Variants in JPH3 observed in about 807,000 individuals in gnomAD.
JPH3 encodes junctophilin-3.
A neutral mutation model predicts 59.6 loss-of-function variants in JPH3; 11 were observed. That is an observed-to-expected ratio of 0.18 (90% CI 0.12 to 0.31). The LOEUF is 0.31. Ranked by LOEUF, JPH3 falls within the 10% of genes least tolerant of loss-of-function variation. The probability of loss-of-function intolerance (pLI) is 1.00; values close to 1 mark genes in which losing one functional copy is unlikely to be tolerated. For synonymous variants in JPH3, 673 were observed against 483.6 expected, an observed-to-expected ratio of 1.39 and a Z score of -5.14; for missense variants, 1,202 against 1,105.7, an observed-to-expected ratio of 1.09 and a Z score of -1.24.
chr16:87,684,412 C>T, intron 3 of JPH3, 146 bp downstream of exon 3: 2 of 1,321,988 alleles, frequency 1.5e-6, no homozygotes, highest in Non-Finnish European at 2.1e-6. Flanking sequence ...TCTTCCTCTC[C>T]CGCCGAAGGT....
In JPH3 at chr16:87,697,407, C is replaced by T. The variant is rs1412967640; in HGVS notation, c.*747C>T. On this transcript the variant is annotated 3_prime_UTR_variant, in exon 5 of 5. Coordinates refer to ENST00000284262, the MANE Select transcript of JPH3 (RefSeq NM_020655.4). The stretch of plus-strand genomic sequence containing the variant: ...TTCGGCTGTTTCCCCCACCAGACCC[C>T]AGGGAAGCCGGGGCCCACTCCGATC... 1 of 152,386 alleles carries T rather than the reference C, an allele frequency of 6.6e-6. No individual in the cohort carries two copies. Among genetic ancestry groups the T allele is most frequent in the Non-Finnish European group, 1.5e-5 (1 of 68,172 alleles). 9.4% of individuals were successfully genotyped at this position (152,386 alleles called of 1,614,324 possible). A position where few individuals can be genotyped will look rare whatever the true frequency, so the allele number is the denominator to read the frequency against.
chr16:87,696,672 G>T lies in JPH3; in HGVS notation c.*12G>T, dbSNP rs746632245. ...ACTTTTTCATCTGATGAGATGTCGC[G>T]GTAGCAAAAATAGAGAAAGGGTAGA... On this transcript the variant is annotated 3_prime_UTR_variant, in exon 5 of 5. Transcript: ENST00000284262. 1 of 1,605,400 alleles carries T rather than the reference G, an allele frequency of 6.2e-7. No homozygotes were observed. The highest frequency in any genetic ancestry group is 8.5e-7 in the Non-Finnish European group (1 of 1,172,844).
At chr16:87,650,938 G>A (rs1236795598) in intron 2 of JPH3, among the ~76,000 whole-genome samples, 1 of 152,222 alleles carries the variant, frequency 6.6e-6, no homozygotes, top group Non-Finnish European at 1.5e-5. Flanking sequence ...CAGTGTCGAT[G>A]GAACAGCTTT....
chr16:87,616,193 TGTGTGTGTGTG>T (rs2030953765), intron 1 of JPH3, among the ~76,000 whole-genome samples: 1 of 63,048 alleles, frequency 1.6e-5, no homozygotes. Flanking sequence ...TCTGGTTTTG[TGTGTGTGTGTG>T]TGTGTGTGTG....
At chr16:87,678,897 T>A (rs1000049223) in intron 2 of JPH3, among the ~76,000 whole-genome samples, 1 of 152,226 alleles carries the variant, frequency 6.6e-6, no homozygotes, top group Non-Finnish European at 1.5e-5. Context: ...AGAGGATGGA[T>A]GGGAGGATTT....
chr16:87,695,805 GCT>G, intron 4 of JPH3: 1 of 456,060 alleles, frequency 2.2e-6, no homozygotes, highest in Non-Finnish European at 4.4e-6. Context: ...CCCGGAAAAG[GCT>G]CTGTTGTGAG....
chr16:87,647,041 C>G (rs1467501392), intron 2 of JPH3, among the ~76,000 whole-genome samples: 1 of 152,184 alleles, frequency 6.6e-6, no homozygotes, highest in Non-Finnish European at 1.5e-5. Context: ...GTCAGCCTCT[C>G]TGGACCTCAA....
chr16:87,677,185 T>TATATATACAC (rs1491266129), intron 2 of JPH3, among the ~76,000 whole-genome samples: 8 of 95,196 alleles, frequency 8.4e-5, no homozygotes, highest in African/African-American at 3.3e-4. Flanking sequence ...TATATATATA[T>TATATATACAC]ACACACACAC....
intron 1 of JPH3, among the ~76,000 whole-genome samples, chr16:87,606,678 G>C (rs568176385): frequency 6.6e-6 from 1 of 152,164 alleles, no homozygotes; most frequent in Non-Finnish European, 1.5e-5. Context: ...TGAGAATGGT[G>C]TGCGTGGCTA....
In JPH3 at chr16:87,684,455, C is replaced by T. The variant is rs565313725; in HGVS notation, c.1285+189C>T. On this transcript the variant is annotated intron_variant, in intron 3 of 4. Coordinates refer to ENST00000284262, the MANE Select transcript of JPH3 (RefSeq NM_020655.4). ...TGTGCCAAGGCCTGGCCTGGCTCCC[C>T]GGGACACAGGACATGTGTCTTGGCA... 3.7e-3 allele frequency: 3,072 copies of T among 838,514 alleles called. 11 individuals carry two copies. Among genetic ancestry groups the T allele is most frequent in the Non-Finnish European group, 4.9e-3 (2,649 of 544,434 alleles). The allele number at this position is 838,514 out of a possible 1,614,324, so 51.9% of individuals were successfully genotyped here. A position where few individuals can be genotyped will look rare whatever the true frequency, so the allele number is the denominator to read the frequency against.
intron 4 of JPH3, chr16:87,695,432 C>T (rs2033788457): frequency 2.2e-6 from 1 of 455,944 alleles, no homozygotes; most frequent in Non-Finnish European, 4.4e-6. Flanking sequence ...AGCAGGATGT[C>T]TGCGTGGTAG....
In JPH3 at chr16:87,696,600, G is replaced by A. The variant is rs199666710; in HGVS notation, c.2187G>A (p.Val729=). The change falls in exon 5 of 5, where the codon GTG becomes GTA. Residue 729 remains valine (V), a synonymous_variant. Transcript: ENST00000284262. ...TCCAGGGCTCAGCGCCTATCCTGGT[G>A]GTCATGGTGATCTTGCTCAACATCG... ...KSSTGSAPIL[V]VMVILLNIGV... is the part of the protein sequence containing the mutation. 109 of 1,613,568 alleles carry A rather than the reference G, an allele frequency of 6.8e-5. No homozygotes were observed. The highest frequency in any genetic ancestry group is 8.9e-5 in the Non-Finnish European group (105 of 1,179,900).
In JPH3 at chr16:87,684,217, C is replaced by G. The variant is rs367695644; in HGVS notation, c.1236C>G (p.Ala412=). 1 of 1,613,852 alleles carries G rather than the reference C, an allele frequency of 6.2e-7. No individual in the cohort carries two copies. The highest frequency in any genetic ancestry group is 1.3e-5 in the African/African-American group (1 of 74,926). ...AQKAQEEARI[A]RITAKEFSPS... is the part of the protein sequence containing the mutation. Reference sequence around the variant, plus strand: ...AAGCCCAGGAGGAGGCGCGGATCGCCAGGATCACTGCCAAAGAGTTCTCCC... The same window carrying G: ...AAGCCCAGGAGGAGGCGCGGATCGCGAGGATCACTGCCAAAGAGTTCTCCC... The change falls in exon 3 of 5, where the codon GCC becomes GCG. Residue 412 remains alanine, a synonymous_variant. Coordinates refer to ENST00000284262, the MANE Select transcript of JPH3 (RefSeq NM_020655.4).
intron 2 of JPH3, among the ~76,000 whole-genome samples, chr16:87,655,546 G>A (rs1214791078): frequency 1.3e-5 from 2 of 152,164 alleles, no homozygotes; most frequent in Non-Finnish European, 2.9e-5. Context: ...TAGAGATGGG[G>A]TCTCACTGTG....
Position 87,695,748 on chromosome 16 carries a change from G to C in JPH3, c.2167-832G>C, listed in dbSNP as rs1401288973. 1.1e-5 allele frequency: 5 copies of C among 455,954 alleles called. 1 individual carries two copies. The highest frequency in any genetic ancestry group is 4.6e-5 in the South Asian group (3 of 64,570). 28.2% of individuals were successfully genotyped at this position (455,954 alleles called of 1,614,324 possible). On this transcript the variant is annotated intron_variant, in intron 4 of 4. Coordinates refer to ENST00000284262, the MANE Select transcript of JPH3 (RefSeq NM_020655.4). ...CCTCTCCCCCTGCCTGGTGTGAGCA[G>C]AACACAGCAGAGTGCAGGACTGCAA...
In JPH3 at chr16:87,602,994, G is replaced by A; in HGVS notation, c.-153G>A. On this transcript the variant is annotated 5_prime_UTR_variant, in exon 1 of 5. Coordinates refer to ENST00000284262, the MANE Select transcript of JPH3 (RefSeq NM_020655.4). ...GAAATTCCTCCGGAGCCGGCGCCGC[G>A]GCCGCCCGCGCCCGAGACCGCGCTC... is the stretch of plus-strand genomic sequence containing the variant. 2.5e-6 allele frequency: 2 copies of A among 809,952 alleles called. No individual in the cohort carries two copies. Among genetic ancestry groups the A allele is most frequent in the Non-Finnish European group, 3.7e-6 (2 of 536,974 alleles). The allele number at this position is 809,952 out of a possible 1,614,324, so 50.2% of individuals were successfully genotyped here.
At chr16:87,677,174 CTATATATATAT>C (rs2033163227) in intron 2 of JPH3, among the ~76,000 whole-genome samples, 1 of 119,106 alleles carries the variant, frequency 8.4e-6, no homozygotes. Flanking sequence ...CACACACGCA[CTATATATATAT>C]ACACACACAC....
intron 2 of JPH3, among the ~76,000 whole-genome samples, chr16:87,680,139 C>T (rs1395155231): frequency 6.6e-6 from 1 of 152,266 alleles, no homozygotes; most frequent in Non-Finnish European, 1.5e-5. Context: ...GAGACGCTTG[C>T]CCTGGGTGCG....
intron 2 of JPH3, among the ~76,000 whole-genome samples, chr16:87,650,530 A>G (rs895739367): frequency 4.6e-5 from 7 of 152,236 alleles, no homozygotes; most frequent in Admixed American, 1.3e-4. Context: ...AAGCGTAGAG[A>G]GGAAGGTGTG....
Sources: allele counts gnomAD v4.1 joint callset (sites outside exome capture counted in the v4.1 genomes callset), GRCh38; gene constraint gnomAD v4.1.1; transcripts MANE v1.5; gene names NCBI Gene and HGNC (gene_info 2026-07-23, HGNC 2026-07-21).